CCNYL1: variants seen among roughly 807,000 people sequenced by gnomAD.
CCNYL1 encodes the protein cyclin Y like 1.
CCNYL1 carries 16 observed loss-of-function variants against 44.2 expected under a neutral mutation model. The observed-to-expected ratio is 0.36, with a 90% CI of 0.25 to 0.55. The LOEUF (loss-of-function observed/expected upper bound fraction) is 0.55. Among genes scored for constraint, CCNYL1 ranks in the 20% least tolerant of loss-of-function variants. CCNYL1 has a pLI of 0.85. For synonymous variants in CCNYL1, 159 were observed against 163.2 expected (o/e 0.97, Z 0.20); for missense variants, 348 against 451.8 (o/e 0.77, Z 2.08).
At chr2:207,730,134 T>A (rs1444426933) in intron 3 of CCNYL1, among the ~76,000 whole-genome samples, 1 of 152,204 alleles carries the variant, frequency 6.6e-6, no homozygotes, top group Non-Finnish European at 1.5e-5. Flanking sequence ...GAGGTGGAGT[T>A]CCACTTCTCA....
At chr2:207,733,830 C>A in intron 3 of CCNYL1, 117 bp from the exon 4 acceptor site, 1 of 662,710 alleles carries the variant, frequency 1.5e-6, no homozygotes, top group African/African-American at 1.8e-5. Flanking sequence ...TCAGGCAGTT[C>A]ATGGAGTGTA....
In CCNYL1 at chr2:207,726,878, T is replaced by C; in HGVS notation, c.330+2T>C. ...AGGAAGAGCAACCATTTGAACCATG[T>C]AAGTAAACAGTTGGAAAGCTAAGAA... On this transcript the variant is annotated splice_donor_variant, in intron 3 of 9. Transcript: ENST00000295414. LOFTEE classifies it high-confidence loss of function. 1 of 1,548,806 alleles carries C rather than the reference T, an allele frequency of 6.5e-7. No individual in the cohort carries two copies. Among genetic ancestry groups the C allele is most frequent in the Non-Finnish European group, 8.7e-7 (1 of 1,155,332 alleles).
intron 1 of CCNYL1, 38 bp downstream of exon 1, chr2:207,712,154 C>T (rs767617903): frequency 2.0e-6 from 3 of 1,534,994 alleles, no homozygotes; most frequent in African/African-American, 1.4e-5. Context: ...CTCGGGCTCA[C>T]CTCTGCCCGC....
chr2:207,740,749 G>A, intron 6 of CCNYL1, 43 bp downstream of exon 6: 1 of 1,259,854 alleles, frequency 7.9e-7, no homozygotes, highest in South Asian at 1.2e-5. Context: ...CTCTCATAGA[G>A]TTGTGTTTAT....
Position 207,750,971 on chromosome 2 carries a change from G to C in CCNYL1, c.821G>C (p.Arg274Thr). Reference sequence around the variant, plus strand: ...TCCTCCTCCAGGAATGAAATGGAAAGGCATTTTCTGGAGCTTCTTCAGTTT... The same window carrying C: ...TCCTCCTCCAGGAATGAAATGGAAACGCATTTTCTGGAGCTTCTTCAGTTT... ...ITVEDMNEMERHFLELLQFNI... is the reference protein window; with the variant it reads ...ITVEDMNEMETHFLELLQFNI... The change falls in exon 9 of 10, where the codon AGG becomes ACG. Residue 274 changes from arginine (R) to threonine (T), a missense_variant. Transcript: ENST00000295414. The C allele has an allele frequency of 6.2e-7, 1 of 1,613,684 alleles. No homozygotes were observed. The highest frequency in any genetic ancestry group is 8.5e-7 in the Non-Finnish European group (1 of 1,179,804).
chr2:207,748,538 A>C (rs1575224504), intron 8 of CCNYL1, among the ~76,000 whole-genome samples: 1 of 152,230 alleles, frequency 6.6e-6, no homozygotes, highest in African/African-American at 2.4e-5. Flanking sequence ...CAGGGTGCCC[A>C]CCAGACAGTG....
chr2:207,752,555 G>A (rs2091901595), intron 9 of CCNYL1, among the ~76,000 whole-genome samples: 2 of 151,744 alleles, frequency 1.3e-5, no homozygotes, highest in Admixed American at 6.6e-5. Context: ...AAATAATAAT[G>A]TAGGAAGTAC....
In CCNYL1 at chr2:207,737,865, C is replaced by T. The variant is rs144878401; in HGVS notation, c.467+419C>T. Reference sequence around the variant, plus strand: ...CCCTGACTGAGAATCATATTGTTAACATAAATAATATTTTTTCATGAAAAA... The same window carrying T: ...CCCTGACTGAGAATCATATTGTTAATATAAATAATATTTTTTCATGAAAAA... On this transcript the variant is annotated intron_variant, in intron 5 of 9. Coordinates refer to ENST00000295414, the MANE Select transcript of CCNYL1 (RefSeq NM_001330218.2). Among the ~76,000 whole-genome samples the T allele has an allele frequency of 5.1e-3, 776 of 152,196 alleles. 10 individuals carry two copies. Among genetic ancestry groups the T allele is most frequent in the African/African-American group, 0.018 (741 of 41,520 alleles).
chr2:207,723,232 A>G (rs776893017), intron 1 of CCNYL1, among the ~76,000 whole-genome samples: 18 of 152,230 alleles, frequency 1.2e-4, no homozygotes, highest in South Asian at 6.2e-4. Context: ...TGGCAGTACT[A>G]TTAAAATGGA....
In CCNYL1 at chr2:207,740,668, T is replaced by C; in HGVS notation, c.481T>C (p.Ser161Pro). Reference sequence around the variant, plus strand: ...CTTATTTTATAGAGATGCAAATAGATCCCTGGATATTTTTGATGAGAGATC... The same window carrying C: ...CTTATTTTATAGAGATGCAAATAGACCCCTGGATATTTTTGATGAGAGATC... ...YHIKNRDANR[S>P]LDIFDERSHP... The change falls in exon 6 of 10, where the codon TCC becomes CCC. Residue 161 changes from serine (S) to proline (P), a missense_variant. Coordinates refer to ENST00000295414, the MANE Select transcript of CCNYL1 (RefSeq NM_001330218.2). 1 of 1,598,916 alleles carries C rather than the reference T, an allele frequency of 6.3e-7. No individual in the cohort carries two copies. Among genetic ancestry groups the C allele is most frequent in the Non-Finnish European group, 8.6e-7 (1 of 1,167,172 alleles).
chr2:207,742,102 GA>G (rs1251813487), intron 6 of CCNYL1, 120 bp from the exon 7 acceptor site: 1 of 938,308 alleles, frequency 1.1e-6, no homozygotes, highest in Admixed American at 2.9e-5. Flanking sequence ...AGTGAGCCAA[GA>G]TCATGCCATT....
intron 9 of CCNYL1, among the ~76,000 whole-genome samples, chr2:207,752,932 G>A (rs1047948290): frequency 4.0e-5 from 6 of 151,840 alleles, no homozygotes; most frequent in Non-Finnish European, 8.8e-5. Context: ...CTAGCTACTT[G>A]GGAGGCTGAG....
At chr2:207,722,016 G>T (rs1180134916) in intron 1 of CCNYL1, among the ~76,000 whole-genome samples, 1 of 151,646 alleles carries the variant, frequency 6.6e-6, no homozygotes, top group African/African-American at 2.4e-5. Context: ...TTGTTACTTG[G>T]GCTTATTTGG....
At chr2:207,749,092 G>A (rs2091874716) in intron 8 of CCNYL1, among the ~76,000 whole-genome samples, 1 of 152,190 alleles carries the variant, frequency 6.6e-6, no homozygotes, top group Non-Finnish European at 1.5e-5. Flanking sequence ...GCAGGGAAAT[G>A]TGCAGGTTTC....
intron 4 of CCNYL1, among the ~76,000 whole-genome samples, chr2:207,735,316 G>T (rs115622520): frequency 6.6e-6 from 1 of 152,152 alleles, no homozygotes; most frequent in East Asian, 1.9e-4. Flanking sequence ...TTACTAGTGC[G>T]TTATTCTCAT....
intron 4 of CCNYL1, 150 bp from the exon 5 acceptor site, chr2:207,737,261 C>G: frequency 1.6e-6 from 1 of 640,972 alleles, no homozygotes; most frequent in Non-Finnish European, 2.8e-6. Context: ...GGAACTAAAA[C>G]AAGGGGAAAG....
intron 1 of CCNYL1, 33 bp downstream of exon 1, chr2:207,712,149 G>A (rs1470038481): frequency 1.9e-6 from 3 of 1,565,308 alleles, no homozygotes; most frequent in Non-Finnish European, 1.7e-6. Context: ...CCGCCCTCGG[G>A]CTCACCTCTG....
At chr2:207,723,483 A>G (rs559119157) in intron 1 of CCNYL1, among the ~76,000 whole-genome samples, 1 of 152,202 alleles carries the variant, frequency 6.6e-6, no homozygotes, top group African/African-American at 2.4e-5. Context: ...AAAGTAGAGC[A>G]ATTATATTAA....
At chr2:207,716,584 G>A (rs533250824) in intron 1 of CCNYL1, among the ~76,000 whole-genome samples, 11 of 152,110 alleles carry the variant, frequency 7.2e-5, no homozygotes, top group African/African-American at 2.7e-4. Flanking sequence ...CTGCTCTATC[G>A]CATGCCTTCT....
Sources: allele counts gnomAD v4.1 joint callset (sites outside exome capture counted in the v4.1 genomes callset), GRCh38; gene constraint gnomAD v4.1.1; transcripts MANE v1.5; gene names NCBI Gene and HGNC (gene_info 2026-07-23, HGNC 2026-07-21).